Variants in ESRRG observed in about 807,000 individuals in gnomAD.
ESRRG encodes the protein estrogen related receptor gamma, also known as estrogen-related receptor gamma.
ESRRG carries 13 observed loss-of-function variants against 44.0 expected under a neutral mutation model. The observed-to-expected ratio is 0.30, with a 90% CI of 0.19 to 0.47. The LOEUF (loss-of-function observed/expected upper bound fraction) is 0.47, where lower values mean the gene tolerates loss of function less well. Among genes scored for constraint, ESRRG ranks in the 20% least tolerant of loss-of-function variants. The pLI is 1.00. For missense variants in ESRRG, 395 were observed against 580.6 expected (o/e 0.68, Z 3.29); for synonymous variants, 215 against 214.6 (o/e 1.00, Z -0.02).
At chr1:217,034,787 C>T (rs756067332) in intron 1 of ESRRG, among the ~76,000 whole-genome samples, 15 of 152,166 alleles carry the variant, frequency 9.9e-5, no homozygotes, top group Non-Finnish European at 1.5e-4. Context: ...GTGCACCATA[C>T]GTAACACCAG....
intron 1 of ESRRG, among the ~76,000 whole-genome samples, chr1:217,034,613 C>T (rs1245599071): frequency 6.6e-6 from 1 of 152,196 alleles, no homozygotes; most frequent in Non-Finnish European, 1.5e-5. Flanking sequence ...ATCACTGCTT[C>T]CCATGAGACA....
chr1:217,018,737 T>C (rs1207384678), intron 1 of ESRRG, among the ~76,000 whole-genome samples: 2 of 152,128 alleles, frequency 1.3e-5, no homozygotes, highest in African/African-American at 2.4e-5. Context: ...TCATCCTTTG[T>C]CCATCCTCTC....
intron 1 of ESRRG, among the ~76,000 whole-genome samples, chr1:216,970,114 A>T (rs988536698): frequency 6.6e-6 from 1 of 152,144 alleles, no homozygotes; most frequent in Non-Finnish European, 1.5e-5. Flanking sequence ...TTTTCACCAG[A>T]GTCAAGTTCA....
intron 1 of ESRRG, among the ~76,000 whole-genome samples, chr1:216,940,792 T>A (rs2065092955): frequency 6.6e-6 from 1 of 152,116 alleles, no homozygotes; most frequent in African/African-American, 2.4e-5. Context: ...AAAAGTAAAA[T>A]GCTTGACAAA....
At chr1:216,879,725 A>G (rs1421905692) in intron 2 of ESRRG, among the ~76,000 whole-genome samples, 2 of 152,134 alleles carry the variant, frequency 1.3e-5, no homozygotes, top group Non-Finnish European at 2.9e-5. Context: ...CCTCAATCCC[A>G]ATATCATCCT....
At chr1:216,881,529 C>T (rs1007821339) in intron 2 of ESRRG, among the ~76,000 whole-genome samples, 1 of 151,884 alleles carries the variant, frequency 6.6e-6, no homozygotes, top group African/African-American at 2.4e-5. Flanking sequence ...GGTAGCTATA[C>T]GAAAGGAGGA....
chr1:216,612,225 G>T (rs2060774754), intron 3 of ESRRG, among the ~76,000 whole-genome samples: 1 of 152,112 alleles, frequency 6.6e-6, no homozygotes, highest in African/African-American at 2.4e-5. Flanking sequence ...AACCTACTAG[G>T]CTTAGTAACT....
chr1:217,018,113 A>G (rs2079707804), intron 1 of ESRRG, among the ~76,000 whole-genome samples: 1 of 152,192 alleles, frequency 6.6e-6, no homozygotes, highest in Non-Finnish European at 1.5e-5. Context: ...CATACAAGCC[A>G]CACTTTACTA....
chr1:216,604,930 C>G (rs906116045), intron 3 of ESRRG, among the ~76,000 whole-genome samples: 3 of 152,164 alleles, frequency 2.0e-5, no homozygotes, highest in Admixed American at 6.5e-5. Flanking sequence ...TATTGAAACT[C>G]TAGCCCTCTG....
intron 6 of ESRRG, among the ~76,000 whole-genome samples, chr1:216,507,533 A>G (rs1007982565): frequency 2.0e-5 from 3 of 152,186 alleles, no homozygotes; most frequent in African/African-American, 7.2e-5. Context: ...TCAATAAACA[A>G]CCACGGAAGG....
At chr1:217,059,877 A>G (rs557361318) in intron 1 of ESRRG, among the ~76,000 whole-genome samples, 1 of 152,258 alleles carries the variant, frequency 6.6e-6, no homozygotes, top group African/African-American at 2.4e-5. Context: ...AATGATTAAA[A>G]GAGGATTCAA....
chr1:216,520,489 G>A (rs776456972), intron 5 of ESRRG, among the ~76,000 whole-genome samples: 4 of 152,080 alleles, frequency 2.6e-5, no homozygotes, highest in Non-Finnish European at 5.9e-5. Context: ...TAGAGAAAGA[G>A]GAAGCAGTAC....
chr1:216,705,125 T>A (rs1304168058), intron 1 of ESRRG, among the ~76,000 whole-genome samples: 1 of 152,152 alleles, frequency 6.6e-6, no homozygotes, highest in Non-Finnish European at 1.5e-5. Flanking sequence ...TTTTTTGGGC[T>A]AATCAAGTAG....
chr1:217,051,144 C>T (rs1054584727), intron 1 of ESRRG, among the ~76,000 whole-genome samples: 3 of 135,768 alleles, frequency 2.2e-5, no homozygotes, highest in African/African-American at 2.8e-5. Context: ...AGGCTGAAGT[C>T]AGCAGTTACG....
At chr1:216,882,072 C>T (rs1404297210) in intron 2 of ESRRG, among the ~76,000 whole-genome samples, 1 of 151,766 alleles carries the variant, frequency 6.6e-6, no homozygotes, top group East Asian at 1.9e-4. Flanking sequence ...CCCTGTGATA[C>T]CTTTGTTTAG....
In ESRRG at chr1:216,800,865, T is replaced by A. The variant is rs562655973; in HGVS notation, c.-13-123374A>T. Among the ~76,000 whole-genome samples, 198 of 152,274 alleles carry A rather than the reference T, an allele frequency of 1.3e-3. 8 individuals are homozygous for A. In the South Asian group the frequency reaches 0.039, roughly 30 times the overall value. On this transcript the variant is annotated intron_variant, in intron 2 of 7. Transcript: ENST00000359162. ...TGCTAAAGAAACATGCATTCCGACC[T>A]TAGGATAAGGGTTTGAAGGTATTAA...
chr1:216,844,000 C>G (rs1367319209), intron 2 of ESRRG, among the ~76,000 whole-genome samples: 1 of 151,958 alleles, frequency 6.6e-6, no homozygotes, highest in Admixed American at 6.6e-5. Context: ...TGTTTGGGTG[C>G]ACTCTTCTTT....
chr1:216,552,367 G>A (rs1572831915), intron 5 of ESRRG, among the ~76,000 whole-genome samples: 1 of 152,126 alleles, frequency 6.6e-6, no homozygotes, highest in South Asian at 2.1e-4. Context: ...ATAGACCTGA[G>A]TTTTAGTCTC....
At chr1:216,958,221 A>G (rs997754043) in intron 1 of ESRRG, among the ~76,000 whole-genome samples, 1 of 152,182 alleles carries the variant, frequency 6.6e-6, no homozygotes, top group African/African-American at 2.4e-5. Flanking sequence ...TAGCTATATG[A>G]ATAAAGATGC....
Sources: allele counts gnomAD v4.1 joint callset (sites outside exome capture counted in the v4.1 genomes callset), GRCh38; gene constraint gnomAD v4.1.1; transcripts MANE v1.5; gene names NCBI Gene and HGNC (gene_info 2026-07-23, HGNC 2026-07-21).